The following CIMIP6 variants were observed in gnomAD, a reference collection of about 807,000 sequenced individuals.
CIMIP6 encodes the protein uncharacterized protein C2orf73.
At chr2:54,357,749 T>A in the CIMIP6 span, among the ~76,000 whole-genome samples, 6 of 151,028 alleles carry the variant, frequency 4.0e-5, no homozygotes, top group Non-Finnish European at 8.9e-5. Flanking sequence ...GCTAATTTTT[T>A]TTTTTTTTGT....
the CIMIP6 span, among the ~76,000 whole-genome samples, chr2:54,340,294 C>T: frequency 6.1e-5 from 9 of 146,944 alleles, 4 homozygotes; most frequent in African/African-American, 1.3e-4. Flanking sequence ...TCATAAATAA[C>T]TGTGTTAACC....
the CIMIP6 span, among the ~76,000 whole-genome samples, chr2:54,346,534 C>T: frequency 6.6e-6 from 1 of 152,158 alleles, no homozygotes; most frequent in Non-Finnish European, 1.5e-5. Context: ...TTCCTCCATC[C>T]AAACTTATCC....
the CIMIP6 span, among the ~76,000 whole-genome samples, chr2:54,366,984 A>G: frequency 6.6e-6 from 1 of 152,242 alleles, no homozygotes; most frequent in African/African-American, 2.4e-5. Context: ...ACTAAGATAC[A>G]GGGAGGTTAA....
At chr2:54,383,364 A>G in the CIMIP6 span, 2 of 152,256 alleles carry the variant, frequency 1.3e-5, no homozygotes, top group Non-Finnish European at 2.9e-5. Flanking sequence ...CAGATAACTA[A>G]CAGATTAATA....
At chr2:54,379,251 C>A in the CIMIP6 span, among the ~76,000 whole-genome samples, 4 of 152,154 alleles carry the variant, frequency 2.6e-5, no homozygotes, top group African/African-American at 9.7e-5. Context: ...GACCTGGCTG[C>A]CCCTAACAAT....
the CIMIP6 span, among the ~76,000 whole-genome samples, chr2:54,375,667 G>A: frequency 1.5e-3 from 221 of 152,296 alleles, no homozygotes; most frequent in African/African-American, 4.9e-3. Flanking sequence ...ACATCTATTT[G>A]CTATATTAAG....
the CIMIP6 span, among the ~76,000 whole-genome samples, chr2:54,336,229 C>G: frequency 6.6e-6 from 1 of 152,188 alleles, no homozygotes; most frequent in Non-Finnish European, 1.5e-5. Flanking sequence ...TCATTTCTAT[C>G]ACCCTCAAAA....
At chr2:54,352,158 G>T in the CIMIP6 span, among the ~76,000 whole-genome samples, 1 of 152,012 alleles carries the variant, frequency 6.6e-6, no homozygotes, top group Admixed American at 6.6e-5. Context: ...ACAAATTACA[G>T]GTTTAACTTT....
chr2:54,366,333 T>C, the CIMIP6 span, among the ~76,000 whole-genome samples: 1 of 152,212 alleles, frequency 6.6e-6, no homozygotes, highest in Admixed American at 6.5e-5. Flanking sequence ...GCAAGGATCC[T>C]TGAGCCCCTG....
At chr2:54,360,555 C>T in the CIMIP6 span, 1 of 1,489,778 alleles carries the variant, frequency 6.7e-7, no homozygotes, top group Non-Finnish European at 8.9e-7. Flanking sequence ...ATTAAAAAAT[C>T]AGAATAAATT....
At chr2:54,353,226 G>A in the CIMIP6 span, among the ~76,000 whole-genome samples, 1 of 152,138 alleles carries the variant, frequency 6.6e-6, no homozygotes, top group Non-Finnish European at 1.5e-5. Flanking sequence ...CAGCTTATTT[G>A]CCCCAACTGT....
the CIMIP6 span, among the ~76,000 whole-genome samples, chr2:54,335,629 C>G: frequency 6.6e-6 from 1 of 152,158 alleles, no homozygotes; most frequent in African/African-American, 2.4e-5. Flanking sequence ...ATTCCATTAT[C>G]TTTTTTACAA....
At chr2:54,382,048 C>T in the CIMIP6 span, 3 of 1,437,934 alleles carry the variant, frequency 2.1e-6, no homozygotes, top group Non-Finnish European at 1.8e-6. Flanking sequence ...TTAGGTAGCT[C>T]ACTCCCTAAG....
At chr2:54,354,197 T>C in the CIMIP6 span, among the ~76,000 whole-genome samples, 1 of 152,184 alleles carries the variant, frequency 6.6e-6, no homozygotes, top group East Asian at 1.9e-4. Context: ...TCTGTTACGT[T>C]ACTCAGGTTA....
chr2:54,364,145 A>C, the CIMIP6 span, among the ~76,000 whole-genome samples: 1 of 152,176 alleles, frequency 6.6e-6, no homozygotes, highest in Non-Finnish European at 1.5e-5. Flanking sequence ...CTATTTTTTT[A>C]AATGCAAAGG....
At chr2:54,354,338 T>G in the CIMIP6 span, among the ~76,000 whole-genome samples, 3 of 152,300 alleles carry the variant, frequency 2.0e-5, no homozygotes, top group South Asian at 6.2e-4. Flanking sequence ...TATTTTTCTA[T>G]TTAAACATTG....
chr2:54,336,706 T>C, the CIMIP6 span, among the ~76,000 whole-genome samples: 1 of 152,226 alleles, frequency 6.6e-6, no homozygotes, highest in Non-Finnish European at 1.5e-5. Context: ...AAGGGCAGCA[T>C]GCAAGGCAGG....
the CIMIP6 span, among the ~76,000 whole-genome samples, chr2:54,331,529 T>C: frequency 6.7e-6 from 1 of 150,134 alleles, no homozygotes. Context: ...GCCTATGGAG[T>C]CTACACAACA....
chr2:54,370,460 A>C, the CIMIP6 span, among the ~76,000 whole-genome samples: 1 of 152,184 alleles, frequency 6.6e-6, no homozygotes, highest in African/African-American at 2.4e-5. Flanking sequence ...AAAACATGTA[A>C]AGACGACTAG....
Sources: allele counts gnomAD v4.1 joint callset (sites outside exome capture counted in the v4.1 genomes callset), GRCh38; gene constraint gnomAD v4.1.1; transcripts MANE v1.5; gene names NCBI Gene and HGNC (gene_info 2026-07-23, HGNC 2026-07-21).